The following MEI4 variants were observed in gnomAD, a reference collection of about 807,000 sequenced individuals.
The protein encoded by MEI4 is meiotic double-stranded break formation protein 4.
A neutral mutation model predicts 31.4 loss-of-function variants in MEI4; 27 were observed. That is an observed-to-expected ratio of 0.86 (90% CI 0.63 to 1.19). The LOEUF (loss-of-function observed/expected upper bound fraction) is 1.19, where lower values mean the gene tolerates loss of function less well. MEI4 is among the 50% of genes most tolerant of loss of function. The pLI, the probability that MEI4 is intolerant of heterozygous loss-of-function variation, is 0.00. For synonymous variants in MEI4, 122 were observed against 145.4 expected (o/e 0.84, Z 1.16); for missense variants, 329 against 398.9 (o/e 0.82, Z 1.49).
intron 4 of MEI4, among the ~76,000 whole-genome samples, chr6:77,834,601 A>T (rs1770167713): frequency 6.6e-6 from 1 of 152,008 alleles, no homozygotes; most frequent in African/African-American, 2.4e-5. Context: ...CTGCTTTGCC[A>T]GTCCAGCTGA....
intron 4 of MEI4, among the ~76,000 whole-genome samples, chr6:77,917,068 A>G (rs1766576322): frequency 6.6e-6 from 1 of 151,146 alleles, no homozygotes; most frequent in African/African-American, 2.4e-5. Context: ...ATGATTTCCA[A>G]TTTCATCCAT....
chr6:77,818,900 T>A (rs1286459879), intron 3 of MEI4, among the ~76,000 whole-genome samples: 1 of 152,008 alleles, frequency 6.6e-6, no homozygotes, highest in Non-Finnish European at 1.5e-5. Flanking sequence ...CAACTATTTT[T>A]TTTTTATTTG....
At chr6:77,808,274 G>A (rs1182077172) in intron 3 of MEI4, among the ~76,000 whole-genome samples, 2 of 152,172 alleles carry the variant, frequency 1.3e-5, no homozygotes, top group Non-Finnish European at 2.9e-5. Flanking sequence ...CTGAACAAAA[G>A]AATAATGTGA....
chr6:77,734,039 T>C (rs1023522439), intron 2 of MEI4, among the ~76,000 whole-genome samples: 3 of 152,048 alleles, frequency 2.0e-5, no homozygotes, highest in Non-Finnish European at 4.4e-5. Context: ...AGGAGAGCTT[T>C]ACTTCCAAGT....
chr6:77,868,880 G>T (rs1771128836), intron 4 of MEI4, among the ~76,000 whole-genome samples: 1 of 151,968 alleles, frequency 6.6e-6, no homozygotes, highest in African/African-American at 2.4e-5. Flanking sequence ...AGCACAGCCT[G>T]GTCACTGAAG....
chr6:77,837,223 T>C (rs1770241399), intron 4 of MEI4, among the ~76,000 whole-genome samples: 1 of 152,162 alleles, frequency 6.6e-6, no homozygotes, highest in Non-Finnish European at 1.5e-5. Flanking sequence ...CTAAATCAAA[T>C]GATAAAGTGC....
chr6:77,738,435 AT>A (rs1561967008), intron 2 of MEI4, among the ~76,000 whole-genome samples: 1 of 152,062 alleles, frequency 6.6e-6, no homozygotes, highest in Non-Finnish European at 1.5e-5. Context: ...TTCTTTCTTT[AT>A]TAGTCTAGCT....
intron 1 of MEI4, among the ~76,000 whole-genome samples, chr6:77,687,545 T>G (rs940731956): frequency 4.6e-5 from 7 of 152,144 alleles, no homozygotes; most frequent in Admixed American, 3.3e-4. Context: ...TCCATCAGAC[T>G]GCACTCAGTT....
intron 2 of MEI4, among the ~76,000 whole-genome samples, chr6:77,743,836 G>A (rs113390626): frequency 0.047 from 7,201 of 152,264 alleles, 475 homozygotes; most frequent in African/African-American, 0.15. Context: ...TGCAGCCACC[G>A]CTGCTGATAC....
At chr6:77,705,619 A>G (rs1766314133) in intron 2 of MEI4, among the ~76,000 whole-genome samples, 1 of 152,164 alleles carries the variant, frequency 6.6e-6, no homozygotes, top group Non-Finnish European at 1.5e-5. Flanking sequence ...ATTGGAAATG[A>G]GTATCTGTAG....
At chr6:77,806,635 C>T (rs1769448335) in intron 3 of MEI4, among the ~76,000 whole-genome samples, 1 of 152,068 alleles carries the variant, frequency 6.6e-6, no homozygotes, top group African/African-American at 2.4e-5. Context: ...AATGGAGGAA[C>T]TTCTAGAGCA....
At chr6:77,704,334 A>G (rs2127657590) in intron 2 of MEI4, among the ~76,000 whole-genome samples, 1 of 152,120 alleles carries the variant, frequency 6.6e-6, no homozygotes, top group East Asian at 1.9e-4. Flanking sequence ...TTCATTCTTG[A>G]ATTTCTTTCC....
At chr6:77,682,209 AC>A (rs1474661092) in intron 1 of MEI4, among the ~76,000 whole-genome samples, 5 of 152,176 alleles carry the variant, frequency 3.3e-5, no homozygotes, top group African/African-American at 9.7e-5. Context: ...TCCTGCACTC[AC>A]GTGTTGCCTT....
At chr6:77,726,631 T>A (rs1306207886) in intron 2 of MEI4, among the ~76,000 whole-genome samples, 1 of 152,048 alleles carries the variant, frequency 6.6e-6, no homozygotes, top group African/African-American at 2.4e-5. Flanking sequence ...AGGGGAGACA[T>A]TAAAGGACCG....
At chr6:77,748,520 C>T (rs917054245) in intron 2 of MEI4, among the ~76,000 whole-genome samples, 1 of 152,154 alleles carries the variant, frequency 6.6e-6, no homozygotes, top group Admixed American at 6.5e-5. Context: ...GGAGTGTGGT[C>T]CTGGGCCTAG....
intron 4 of MEI4, among the ~76,000 whole-genome samples, chr6:77,884,890 AGT>A (rs1771583203): frequency 6.6e-6 from 1 of 151,708 alleles, no homozygotes; most frequent in Non-Finnish European, 1.5e-5. Flanking sequence ...TTCTTTGGAG[AGT>A]GTCTTTGGTA....
At chr6:77,763,898 C>T (rs886618042) in intron 3 of MEI4, among the ~76,000 whole-genome samples, 6 of 152,086 alleles carry the variant, frequency 3.9e-5, no homozygotes, top group African/African-American at 1.4e-4. Flanking sequence ...ACTGCAACCT[C>T]CACTTCCTGG....
chr6:77,686,715 C>CTCTGA (rs1217150498), intron 1 of MEI4, among the ~76,000 whole-genome samples: 2 of 151,914 alleles, frequency 1.3e-5, no homozygotes, highest in East Asian at 1.9e-4. Context: ...TTGTATGCAG[C>CTCTGA]TCTGATCATT....
At chr6:77,903,933 A>C (rs1389929269) in intron 4 of MEI4, among the ~76,000 whole-genome samples, 1 of 152,042 alleles carries the variant, frequency 6.6e-6, no homozygotes, top group Non-Finnish European at 1.5e-5. Context: ...CTTTCAGTGT[A>C]TTTGTGTACT....
Sources: gnomAD v4.1 joint callset for allele counts (sites outside exome capture counted in the v4.1 genomes callset) on GRCh38, gnomAD v4.1.1 for gene constraint, MANE v1.5 for transcripts, NCBI Gene and HGNC (gene_info 2026-07-23, HGNC 2026-07-21) for gene names.